Variants in OXR1 observed in about 807,000 individuals in gnomAD.
The protein encoded by OXR1 is oxidation resistance protein 1.
OXR1 carries 41 observed loss-of-function variants against 104.6 expected under a neutral mutation model. The observed-to-expected ratio is 0.39, with a 90% CI of 0.31 to 0.51. The LOEUF is 0.51. OXR1 is among the 20% of genes least tolerant of loss of function. The pLI is 0.77. For missense variants in OXR1, 955 were observed against 1,031.9 expected, an observed-to-expected ratio of 0.93 and a Z score of 1.02; for synonymous variants, 348 against 348.4, an observed-to-expected ratio of 1.00 and a Z score of 0.01.
At chr8:106,568,129 T>G (rs1242336902) in intron 3 of OXR1, among the ~76,000 whole-genome samples, 1 of 152,094 alleles carries the variant, frequency 6.6e-6, no homozygotes, top group Non-Finnish European at 1.5e-5. Context: ...TCTTCTGCAC[T>G]ACTGATCAAG....
At chr8:106,405,885 TG>T (rs1278154471) in intron 2 of OXR1, among the ~76,000 whole-genome samples, 1 of 152,220 alleles carries the variant, frequency 6.6e-6, no homozygotes. Flanking sequence ...CACTAAGTTT[TG>T]GGTTGTTTTG....
chr8:106,352,224 A>G (rs1398163828), intron 1 of OXR1, among the ~76,000 whole-genome samples: 1 of 152,228 alleles, frequency 6.6e-6, no homozygotes, highest in Admixed American at 6.5e-5. Context: ...GGTAGAATCA[A>G]CCAGGCTTAG....
rs563864949 is a variant in OXR1, at chr8:106,659,738, C to G, written c.221-19472C>G. 1.3e-4 allele frequency among the ~76,000 whole-genome samples: 20 copies of G among 152,206 alleles called. No homozygotes were observed. The South Asian group carries it at 2.1e-3, about 16-fold the overall frequency. ...CATTCGGTGGCCCGTGTCTGTAGTT[C>G]CAGCTACTCTGCTCAGGAGGCTGGG... is the stretch of plus-strand genomic sequence containing the variant. On this transcript the variant is annotated intron_variant, in intron 3 of 16. Coordinates refer to ENST00000517566, the MANE Select transcript of OXR1 (RefSeq NM_001198533.2).
intron 2 of OXR1, among the ~76,000 whole-genome samples, chr8:106,482,200 G>A (rs112257537): frequency 0.017 from 2,527 of 152,020 alleles, 31 homozygotes; most frequent in Non-Finnish European, 0.024. Context: ...CTATACTTCC[G>A]CATCTTGGTG....
At chr8:106,658,027 T>C in intron 3 of OXR1, 1 of 1,248,296 alleles carries the variant, frequency 8.0e-7, no homozygotes, top group Non-Finnish European at 1.0e-6. Context: ...AGTGGGCGCC[T>C]TCTGCGGGGC....
intron 1 of OXR1, among the ~76,000 whole-genome samples, chr8:106,308,531 A>G (rs1333425063): frequency 6.6e-6 from 1 of 152,202 alleles, no homozygotes; most frequent in African/African-American, 2.4e-5. Context: ...TGACCTGGTC[A>G]GACCTAGGAG....
chr8:106,750,753 T>A (rs540948645), intron 16 of OXR1, 53 bp from the exon 17 acceptor site: 33 of 1,301,326 alleles, frequency 2.5e-5, no homozygotes, highest in Non-Finnish European at 3.4e-5. Context: ...TCATTTAAAT[T>A]GTTTTATAAC....
intron 2 of OXR1, among the ~76,000 whole-genome samples, chr8:106,424,199 A>G (rs953053602): frequency 6.6e-6 from 1 of 152,080 alleles, no homozygotes; most frequent in African/African-American, 2.4e-5. Flanking sequence ...CAGCCTCCCA[A>G]ACTGCCGGGA....
intron 1 of OXR1, among the ~76,000 whole-genome samples, chr8:106,297,672 G>A (rs76147966): frequency 3.9e-4 from 59 of 152,286 alleles, no homozygotes; most frequent in African/African-American, 1.4e-3. Flanking sequence ...TGACTAAAAT[G>A]TCATCATGCC....
intron 1 of OXR1, among the ~76,000 whole-genome samples, chr8:106,330,031 A>G (rs972208302): frequency 3.3e-5 from 5 of 152,056 alleles, no homozygotes; most frequent in African/African-American, 1.2e-4. Flanking sequence ...CACTCTCCCA[A>G]ATTTGTCCTA....
rs1829860204 is a variant in OXR1, at chr8:106,695,002, T to C, written c.675+2125T>C. ...AATATATATCTTTAATATGTCACAT[T>C]CTCACTTTAAGTAGCATTATATATG... is the stretch of plus-strand genomic sequence containing the variant. On this transcript the variant is annotated intron_variant, in intron 7 of 16. Coordinates refer to ENST00000517566, the MANE Select transcript of OXR1 (RefSeq NM_001198533.2). Among the ~76,000 whole-genome samples the C allele has an allele frequency of 2.1e-5, 3 of 145,314 alleles. No individual in the cohort carries two copies. In the Admixed American group the frequency reaches 2.2e-4, roughly 10 times the overall value.
At chr8:106,487,884 C>A (rs1464240365) in intron 2 of OXR1, among the ~76,000 whole-genome samples, 1 of 151,812 alleles carries the variant, frequency 6.6e-6, no homozygotes, top group Non-Finnish European at 1.5e-5. Flanking sequence ...AATAAACATA[C>A]GTATGCATGT....
At chr8:106,541,391 G>A (rs1170765979) in intron 3 of OXR1, among the ~76,000 whole-genome samples, 2 of 152,150 alleles carry the variant, frequency 1.3e-5, no homozygotes, top group Non-Finnish European at 2.9e-5. Context: ...TTCACTTCAT[G>A]TGCCTCTACC....
chr8:106,653,083 A>AAAAT (rs1554611974), intron 3 of OXR1, among the ~76,000 whole-genome samples: 136 of 137,150 alleles, frequency 9.9e-4, no homozygotes, highest in Non-Finnish European at 1.3e-3. Context: ...AAAAAAAAAA[A>AAAAT]ATATATATAT....
chr8:106,752,453 A>G lies in OXR1; in HGVS notation c.*1512A>G, dbSNP rs975477212. 1.1e-4 allele frequency: 17 copies of G among 152,678 alleles called. No individual in the cohort carries two copies. Among genetic ancestry groups the G allele is most frequent in the African/African-American group, 4.1e-4 (17 of 41,582 alleles). 9.5% of individuals were successfully genotyped at this position (152,678 alleles called of 1,614,324 possible). ...TATAATATGCTATTGCTGAATATGA[A>G]TAGAAATACAGGGCATCATTTCCTT... On this transcript the variant is annotated 3_prime_UTR_variant, in exon 17 of 17. Coordinates refer to ENST00000517566, the MANE Select transcript of OXR1 (RefSeq NM_001198533.2).
intron 3 of OXR1, among the ~76,000 whole-genome samples, chr8:106,552,881 C>G (rs191581239): frequency 6.6e-6 from 1 of 152,286 alleles, no homozygotes; most frequent in Non-Finnish European, 1.5e-5. Flanking sequence ...TGTTTTCTCT[C>G]AGCCCAAGTG....
intron 3 of OXR1, among the ~76,000 whole-genome samples, chr8:106,662,255 A>G (rs1825837126): frequency 6.6e-6 from 1 of 152,246 alleles, no homozygotes. Context: ...ATGTGTGTGT[A>G]TATCAATAGA....
intron 3 of OXR1, among the ~76,000 whole-genome samples, chr8:106,629,908 A>T (rs1163845913): frequency 6.6e-6 from 1 of 152,212 alleles, no homozygotes; most frequent in Non-Finnish European, 1.5e-5. Context: ...AAATAGTAAT[A>T]ATGTAAAACA....
intron 2 of OXR1, among the ~76,000 whole-genome samples, chr8:106,446,993 G>GA (rs1462950606): frequency 6.6e-6 from 1 of 152,122 alleles, no homozygotes; most frequent in Non-Finnish European, 1.5e-5. Flanking sequence ...TCTGGTGGAA[G>GA]AAAACTTAAT....
Sources: allele counts gnomAD v4.1 joint callset (sites outside exome capture counted in the v4.1 genomes callset), GRCh38; gene constraint gnomAD v4.1.1; transcripts MANE v1.5; gene names NCBI Gene and HGNC (gene_info 2026-07-23, HGNC 2026-07-21).